Variants in SLIT2 observed in about 807,000 individuals in gnomAD.
The protein encoded by SLIT2 is slit homolog 2 protein.
Under a neutral mutation model 185.7 loss-of-function variants are expected in SLIT2, and 41 were observed. The ratio of observed to expected loss-of-function variants is 0.22; its 90% CI spans 0.17 to 0.29. The LOEUF (loss-of-function observed/expected upper bound fraction) is 0.29. Ranked by LOEUF, SLIT2 falls within the 10% of genes least tolerant of loss-of-function variation. The pLI is 1.00. For missense variants in SLIT2, 1,571 were observed against 1,909.0 expected (o/e 0.82, Z 3.30); for synonymous variants, 693 against 680.2 (o/e 1.02, Z -0.29).
intron 4 of SLIT2, among the ~76,000 whole-genome samples, chr4:20,428,135 G>A (rs545501619): frequency 1.1e-4 from 16 of 152,284 alleles, no homozygotes; most frequent in African/African-American, 2.9e-4. Context: ...TTTGATCTCC[G>A]TACTTACAGC....
intron 9 of SLIT2, among the ~76,000 whole-genome samples, chr4:20,499,641 A>G (rs1366066589): frequency 6.6e-6 from 1 of 151,982 alleles, no homozygotes; most frequent in Non-Finnish European, 1.5e-5. Context: ...GGCGCCCCCC[A>G]GCATACCCAG....
At chr4:20,472,416 CTATA>C (rs1235533040) in intron 5 of SLIT2, among the ~76,000 whole-genome samples, 1 of 55,520 alleles carries the variant, frequency 1.8e-5, no homozygotes, top group East Asian at 5.3e-4. Flanking sequence ...ATCTATATAT[CTATA>C]TATATAGATA....
At chr4:20,443,080 A>G (rs1385006401) in intron 4 of SLIT2, among the ~76,000 whole-genome samples, 5 of 152,154 alleles carry the variant, frequency 3.3e-5, no homozygotes, top group African/African-American at 1.2e-4. Flanking sequence ...GAAATCTCCA[A>G]GTTCTTTATG....
chr4:20,295,978 A>G (rs1049663545), intron 4 of SLIT2, among the ~76,000 whole-genome samples: 9 of 152,250 alleles, frequency 5.9e-5, no homozygotes, highest in African/African-American at 2.2e-4. Context: ...GGCCAGTGCC[A>G]TATATGAAGT....
rs1275483916 is a variant in SLIT2 at position 20,539,450 on chromosome 4, A to G, written c.1842A>G (p.Arg614=). Residue 614 remains arginine (R), a synonymous_variant, in exon 19 of 37, where the codon AGA becomes AGG. Coordinates refer to ENST00000504154, the MANE Select transcript of SLIT2 (RefSeq NM_004787.4). Reference sequence around the variant, plus strand: ...CTTTTTTTCCCCTCAGGATGTTGAGAAGCAATCGAATAACCTGTGTGGGGA... The same window carrying G: ...CTTTTTTTCCCCTCAGGATGTTGAGGAGCAATCGAATAACCTGTGTGGGGA... The part of the protein sequence containing the change: ...GLESLKTLML[R]SNRITCVGND... 6.2e-7 allele frequency: 1 copy of G among 1,611,686 alleles called. No individual in the cohort carries two copies. The highest frequency in any genetic ancestry group is 1.3e-5 in the African/African-American group (1 of 74,768).
chr4:20,413,579 C>T (rs181650868), intron 4 of SLIT2, among the ~76,000 whole-genome samples: 4 of 152,124 alleles, frequency 2.6e-5, no homozygotes, highest in Admixed American at 2.0e-4. Context: ...GTTTATCTCT[C>T]ATTTCAAGTG....
chr4:20,495,502 G>T (rs1423798627), intron 9 of SLIT2, among the ~76,000 whole-genome samples: 1 of 152,098 alleles, frequency 6.6e-6, no homozygotes, highest in African/African-American at 2.4e-5. Flanking sequence ...CATTTAAAAT[G>T]ATTTTCTTAT....
intron 19 of SLIT2, among the ~76,000 whole-genome samples, chr4:20,540,659 C>A (rs1183268814): frequency 6.6e-6 from 1 of 152,070 alleles, no homozygotes; most frequent in African/African-American, 2.4e-5. Flanking sequence ...ATCTACTAAT[C>A]TAACTTAAAA....
chr4:20,257,859 G>C lies in SLIT2; in HGVS notation c.252-9G>C. On this transcript the variant is annotated splice_polypyrimidine_tract_variant and intron_variant, in intron 2 of 36. Coordinates refer to ENST00000504154, the MANE Select transcript of SLIT2 (RefSeq NM_004787.4). ...AACATTAAGAAGCATGTTATATTTT[G>C]CATTTCAGTCAGCTTATGGAGAATA... The C allele has an allele frequency of 6.9e-7, 1 of 1,458,462 alleles. No individual in the cohort carries two copies. Among genetic ancestry groups the C allele is most frequent in the Non-Finnish European group, 9.6e-7 (1 of 1,044,766 alleles). 90.3% of individuals were successfully genotyped at this position (1,458,462 alleles called of 1,614,324 possible).
At chr4:20,482,099 G>C (rs867804465) in intron 6 of SLIT2, among the ~76,000 whole-genome samples, 1 of 151,922 alleles carries the variant, frequency 6.6e-6, no homozygotes, top group East Asian at 1.9e-4. Flanking sequence ...AGAATAATTA[G>C]AATGATTTCA....
intron 4 of SLIT2, among the ~76,000 whole-genome samples, chr4:20,380,850 G>A (rs938068474): frequency 6.6e-5 from 10 of 152,038 alleles, no homozygotes; most frequent in African/African-American, 2.2e-4. Context: ...AATAAAATAC[G>A]TGTAAAAATT....
At chr4:20,604,748 A>G (rs1285023598) in intron 33 of SLIT2, among the ~76,000 whole-genome samples, 1 of 152,138 alleles carries the variant, frequency 6.6e-6, no homozygotes, top group Non-Finnish European at 1.5e-5. Context: ...GTGAAGTATC[A>G]TCAGGCCAGA....
chr4:20,431,724 C>G (rs1294187403), intron 4 of SLIT2, among the ~76,000 whole-genome samples: 5 of 152,166 alleles, frequency 3.3e-5, no homozygotes, highest in African/African-American at 1.2e-4. Context: ...GGTCGAGGTC[C>G]GCTGTAACAT....
chr4:20,354,902 T>TGAGAGAGA (rs766444200), intron 4 of SLIT2, among the ~76,000 whole-genome samples: 99 of 106,476 alleles, frequency 9.3e-4, no homozygotes, highest in Admixed American at 2.2e-3. Context: ...TGTGTGTGTG[T>TGAGAGAGA]GTGTGAGAGA....
intron 21 of SLIT2, among the ~76,000 whole-genome samples, chr4:20,544,640 T>C (rs1723096697): frequency 6.6e-6 from 1 of 152,138 alleles, no homozygotes; most frequent in Non-Finnish European, 1.5e-5. Flanking sequence ...TATATGCATG[T>C]ATTAGAAGAA....
intron 9 of SLIT2, among the ~76,000 whole-genome samples, chr4:20,494,532 T>C (rs1718053799): frequency 6.6e-6 from 1 of 152,052 alleles, no homozygotes; most frequent in South Asian, 2.1e-4. Flanking sequence ...ATCCCAGCAC[T>C]TTGGGAGGCC....
intron 3 of SLIT2, among the ~76,000 whole-genome samples, chr4:20,264,045 CTA>C (rs1036838832): frequency 3.3e-5 from 5 of 151,670 alleles, no homozygotes; most frequent in Non-Finnish European, 1.5e-5. Context: ...CTCTCTGAGT[CTA>C]TAGAGAAATA....
At chr4:20,608,515 A>G (rs1034638578) in intron 33 of SLIT2, among the ~76,000 whole-genome samples, 14 of 152,130 alleles carry the variant, frequency 9.2e-5, no homozygotes, top group African/African-American at 3.4e-4. Context: ...AAAGGCAAAA[A>G]TATTGATTGA....
intron 4 of SLIT2, among the ~76,000 whole-genome samples, chr4:20,311,245 A>C (rs544569727): frequency 6.6e-6 from 1 of 152,352 alleles, no homozygotes; most frequent in East Asian, 1.9e-4. Context: ...TGTGTGGGAA[A>C]AGTTGGGAGC....
Sources: gnomAD v4.1 joint callset for allele counts (sites outside exome capture counted in the v4.1 genomes callset) on GRCh38, gnomAD v4.1.1 for gene constraint, MANE v1.5 for transcripts, NCBI Gene and HGNC (gene_info 2026-07-23, HGNC 2026-07-21) for gene names.